Variants in TMEM132E observed in about 807,000 individuals in gnomAD.
TMEM132E encodes transmembrane protein 132E.
TMEM132E carries 49 observed loss-of-function variants against 78.5 expected under a neutral mutation model. The observed-to-expected ratio is 0.62, with a 90% CI of 0.50 to 0.79. The LOEUF is 0.79. Ranked by LOEUF, TMEM132E falls within the 30% of genes least tolerant of loss-of-function variation. The pLI is 0.00. For synonymous variants in TMEM132E, 715 were observed against 670.6 expected, an observed-to-expected ratio of 1.07 and a Z score of -1.02; for missense variants, 1,403 against 1,470.9, an observed-to-expected ratio of 0.95 and a Z score of 0.75.
intron 1 of TMEM132E, among the ~76,000 whole-genome samples, chr17:34,611,535 C>G (rs963630118): frequency 6.6e-6 from 1 of 152,086 alleles, no homozygotes; most frequent in African/African-American, 2.4e-5. Context: ...CAATCAATAT[C>G]GTGCCAAGAG....
rs111467496 is a variant in TMEM132E at position 34,593,161 on chromosome 17, C to T, written c.67+12018C>T. On this transcript the variant is annotated intron_variant, in intron 1 of 8. Coordinates refer to ENST00000631683, the MANE Select transcript of TMEM132E (RefSeq NM_001304438.2). ...GTGGCTCATATCTGTAATCCTAGCA[C>T]TTTGGGAAGCTGAGGCCAGAGAATC... is the stretch of plus-strand genomic sequence containing the variant. Among the ~76,000 whole-genome samples, 569 of 152,014 alleles carry T rather than the reference C, an allele frequency of 3.7e-3. 4 individuals are homozygous for T. Among genetic ancestry groups the T allele is most frequent in the Middle Eastern group, 0.02 (6 of 294 alleles).
chr17:34,600,416 A>G (rs2142059183), intron 1 of TMEM132E, among the ~76,000 whole-genome samples: 1 of 127,498 alleles, frequency 7.8e-6, no homozygotes, highest in African/African-American at 3.1e-5. Context: ...GTTAAGTTTG[A>G]GCGTATATGA....
rs778078289 is a variant in TMEM132E, at chr17:34,638,257, C to T, written c.*25C>T. ...GAGGCGCCAGCCGGAGTAGCAGGGA[C>T]CCCCCCCCCCAACGGGGTCAGCTCG... is the stretch of plus-strand genomic sequence containing the variant. On this transcript the variant is annotated 3_prime_UTR_variant, in exon 9 of 9. Transcript: ENST00000631683. 4 of 785,170 alleles carry T rather than the reference C, an allele frequency of 5.1e-6. No homozygotes were observed. Among genetic ancestry groups the T allele is most frequent in the Non-Finnish European group, 7.0e-6 (4 of 567,472 alleles). 48.6% of individuals were successfully genotyped at this position (785,170 alleles called of 1,614,324 possible).
intron 5 of TMEM132E, 116 bp from the exon 6 acceptor site, chr17:34,632,588 C>A: frequency 9.7e-7 from 1 of 1,025,836 alleles, no homozygotes; most frequent in Non-Finnish European, 1.5e-6. Context: ...TGGCCTCCTC[C>A]CCTTCAGCCT....
At position 34,628,678 on chromosome 17, in the gene TMEM132E, G is replaced by A. The variant is rs138528097; in HGVS notation, c.1114G>A (p.Ala372Thr). ...GCACTCAACAGCCACCGTGGATGTGGCCTGGGCTCAGAGCACACCCCTGCC... is the reference window on the plus strand; with the variant it reads ...GCACTCAACAGCCACCGTGGATGTGACCTGGGCTCAGAGCACACCCCTGCC... ...AKHSTATVDV[A>T]WAQSTPLPPR... The change falls in exon 3 of 9, where the codon GCC becomes ACC. Residue 372 changes from alanine to threonine, a missense_variant. By Grantham distance (58) the Ala-to-Thr change is moderately conservative (BLOSUM62 0). This residue lies in a region of TMEM132E where 888 missense variants were observed against 952.8 expected (regional missense o/e 0.93). Coordinates refer to ENST00000631683, the MANE Select transcript of TMEM132E (RefSeq NM_001304438.2). The A allele has an allele frequency of 6.2e-7, 1 of 1,611,774 alleles. No individual in the cohort carries two copies. Among genetic ancestry groups the A allele is most frequent in the Non-Finnish European group, 8.5e-7 (1 of 1,178,942 alleles).
chr17:34,606,756 C>A (rs2142063725), intron 1 of TMEM132E, among the ~76,000 whole-genome samples: 1 of 152,300 alleles, frequency 6.6e-6, no homozygotes, highest in Middle Eastern at 3.4e-3. Flanking sequence ...CCAGAACCAC[C>A]ACTAATGAGC....
intron 1 of TMEM132E, among the ~76,000 whole-genome samples, chr17:34,584,748 G>A (rs1261395063): frequency 1.3e-5 from 2 of 152,218 alleles, no homozygotes; most frequent in Non-Finnish European, 2.9e-5. Context: ...ACCACAAAGA[G>A]AGCAAGAGGA....
At chr17:34,615,552 T>TG (rs57984755) in intron 1 of TMEM132E, among the ~76,000 whole-genome samples, 38 of 149,180 alleles carry the variant, frequency 2.5e-4, no homozygotes, top group Admixed American at 2.0e-4. Context: ...TGTGTGTGTG[T>TG]TAGCACAACC....
chr17:34,587,654 C>T (rs1215823097), intron 1 of TMEM132E, among the ~76,000 whole-genome samples: 1 of 152,110 alleles, frequency 6.6e-6, no homozygotes, highest in African/African-American at 2.4e-5. Context: ...TTTTTAGTAG[C>T]TTGGTACAGG....
Position 34,634,877 on chromosome 17 carries a change from G to T in TMEM132E, c.1767G>T (p.Gln589His). ...GTGCAAGCCGTGGCTGCACCCTGCA[G>T]TACCAGCATGCCACCCTGCAGGTCT... Reference protein sequence around the residue: ...RQSASRGCTLQYQHATLQVFT... With the variant: ...RQSASRGCTLHYQHATLQVFT... Residue 589 changes from glutamine to histidine, a missense_variant, in exon 7 of 9, where the codon CAG becomes CAT. This residue lies in a region of TMEM132E where 888 missense variants were observed against 952.8 expected (regional missense o/e 0.93). Transcript: ENST00000631683. The T allele has an allele frequency of 3.7e-6, 6 of 1,614,176 alleles. No individual in the cohort carries two copies. The highest frequency in any genetic ancestry group is 4.2e-6 in the Non-Finnish European group (5 of 1,180,050).
intron 1 of TMEM132E, among the ~76,000 whole-genome samples, chr17:34,611,560 A>G (rs1207251123): frequency 6.6e-6 from 1 of 152,118 alleles, no homozygotes; most frequent in Non-Finnish European, 1.5e-5. Context: ...CAAGTATAAT[A>G]AGGCGTAGGC....
intron 1 of TMEM132E, among the ~76,000 whole-genome samples, chr17:34,607,991 C>T (rs1021882592): frequency 2.0e-5 from 3 of 152,130 alleles, no homozygotes; most frequent in African/African-American, 4.8e-5. Context: ...GTGATTGATT[C>T]GATCATTGGC....
intron 1 of TMEM132E, among the ~76,000 whole-genome samples, chr17:34,592,017 T>C (rs753497623): frequency 6.6e-6 from 1 of 152,240 alleles, no homozygotes; most frequent in Non-Finnish European, 1.5e-5. Context: ...CCATCCTTTC[T>C]TGCCTAGAGC....
At chr17:34,587,262 C>T (rs1040110805) in intron 1 of TMEM132E, among the ~76,000 whole-genome samples, 3 of 152,178 alleles carry the variant, frequency 2.0e-5, no homozygotes, top group African/African-American at 7.2e-5. Context: ...CTCCTAAACC[C>T]CTCCCCAGGA....
chr17:34,581,636 A>G (rs1161511010), intron 1 of TMEM132E, among the ~76,000 whole-genome samples: 3 of 150,632 alleles, frequency 2.0e-5, no homozygotes, highest in Non-Finnish European at 4.4e-5. Flanking sequence ...AGGGAAGTGG[A>G]CTGACTCCGG....
chr17:34,627,417 A>G (rs1198959991), intron 2 of TMEM132E, among the ~76,000 whole-genome samples: 1 of 150,114 alleles, frequency 6.7e-6, no homozygotes, highest in Non-Finnish European at 1.5e-5. Context: ...GAGGCCAAGG[A>G]AGAGAAATTG....
intron 7 of TMEM132E, chr17:34,635,792 C>T (rs1347053737): frequency 1.2e-5 from 5 of 405,530 alleles, no homozygotes; most frequent in East Asian, 3.6e-5. Context: ...TTTGTGTTCC[C>T]GCCTGGCTCC....
rs1439423293 is a variant in TMEM132E, at chr17:34,638,841, C to T, written c.*609C>T. The T allele has an allele frequency of 6.6e-6, 1 of 152,096 alleles. No homozygotes were observed. Among genetic ancestry groups the T allele is most frequent in the Non-Finnish European group, 1.5e-5 (1 of 68,088 alleles). 9.4% of individuals were successfully genotyped at this position (152,096 alleles called of 1,614,324 possible). A position where few individuals can be genotyped will look rare whatever the true frequency, so the allele number is the denominator to read the frequency against. On this transcript the variant is annotated 3_prime_UTR_variant, in exon 9 of 9. Coordinates refer to ENST00000631683, the MANE Select transcript of TMEM132E (RefSeq NM_001304438.2). Reference sequence around the variant, plus strand: ...TCCCAGGACCTGGGAGCTGACTCTACAGAGAGGTCTGGTGCCAAGCCAGGC... The same window carrying T: ...TCCCAGGACCTGGGAGCTGACTCTATAGAGAGGTCTGGTGCCAAGCCAGGC...
intron 1 of TMEM132E, among the ~76,000 whole-genome samples, chr17:34,590,222 A>G (rs1905823111): frequency 6.6e-6 from 1 of 152,224 alleles, no homozygotes; most frequent in African/African-American, 2.4e-5. Flanking sequence ...AGCACCTGCT[A>G]TGAGCCACAT....
Sources: allele counts gnomAD v4.1 joint callset (sites outside exome capture counted in the v4.1 genomes callset), GRCh38; gene constraint gnomAD v4.1.1; regional missense constraint gnomAD v4.1.1; transcripts MANE v1.5; gene names NCBI Gene and HGNC (gene_info 2026-07-23, HGNC 2026-07-21).